Variants in VIPAS39 observed in about 807,000 individuals in gnomAD.
The protein encoded by VIPAS39 is spermatogenesis-defective protein 39 homolog.
VIPAS39 carries 63 observed loss-of-function variants against 84.7 expected under a neutral mutation model. The observed-to-expected ratio is 0.74, with a 90% CI of 0.61 to 0.92. The LOEUF (loss-of-function observed/expected upper bound fraction) is 0.92. Among genes scored for constraint, VIPAS39 ranks in the 40% least tolerant of loss-of-function variants. The probability of loss-of-function intolerance (pLI) is 0.00; values close to 1 mark genes in which losing one functional copy is unlikely to be tolerated. For synonymous variants in VIPAS39, 192 were observed against 216.5 expected, an observed-to-expected ratio of 0.89 and a Z score of 0.99; for missense variants, 499 against 604.5, an observed-to-expected ratio of 0.83 and a Z score of 1.83.
intron 8 of VIPAS39, among the ~76,000 whole-genome samples, chr14:77,443,690 T>A (rs922286210): frequency 6.6e-6 from 1 of 150,434 alleles, no homozygotes; most frequent in African/African-American, 2.4e-5. Context: ...AGGTCAGGAG[T>A]TTGAGACCAG....
intron 4 of VIPAS39, among the ~76,000 whole-genome samples, chr14:77,450,670 C>T (rs377379806): frequency 2.0e-5 from 3 of 152,196 alleles, no homozygotes; most frequent in East Asian, 1.9e-4. Context: ...CCACCATGCC[C>T]GGCTAATTTT....
At chr14:77,442,701 G>GA in intron 9 of VIPAS39, 39 bp from the exon 10 acceptor site, 1 of 1,580,270 alleles carries the variant, frequency 6.3e-7, no homozygotes, top group Non-Finnish European at 8.7e-7. Flanking sequence ...AAAGATTAAA[G>GA]CCAATTAGTC....
chr14:77,440,524 A>G (rs888629775), intron 11 of VIPAS39: 5 of 157,828 alleles, frequency 3.2e-5, no homozygotes, highest in African/African-American at 1.2e-4. Context: ...ACAAATTACA[A>G]ATTGACCAGG....
chr14:77,450,724 G>C (rs563461604), intron 4 of VIPAS39, among the ~76,000 whole-genome samples: 12 of 152,298 alleles, frequency 7.9e-5, no homozygotes, highest in Middle Eastern at 3.4e-3. Context: ...TGGTAGGCTG[G>C]TCTAGAACTC....
chr14:77,433,987 T>G (rs2078565601), intron 15 of VIPAS39, 56 bp from the exon 16 acceptor site: 1 of 1,549,544 alleles, frequency 6.5e-7, no homozygotes, highest in South Asian at 1.1e-5. Flanking sequence ...TCAATGGGGG[T>G]GCTTAAGAAT....
chr14:77,455,688 C>G (rs2078949718), intron 1 of VIPAS39, among the ~76,000 whole-genome samples: 1 of 152,136 alleles, frequency 6.6e-6, no homozygotes. Flanking sequence ...TGAGAAAAGC[C>G]TTGTCATGGT....
At position 77,435,376 on chromosome 14, in the gene VIPAS39, T is replaced by C; in HGVS notation, c.930A>G (p.Leu310=). ...QIIIEANDRH[L]ESAGQTEIFR... is the part of the protein sequence containing the mutation. The stretch of plus-strand genomic sequence containing the variant: ...AGATCTCAGTCTGTCCTGCTGATTC[T>C]AGATGGCGATCATTTGCCTGTGGTG... The change falls in exon 14 of 20, where the codon CTA becomes CTG. Residue 310 remains leucine (L), a synonymous_variant. Coordinates refer to ENST00000557658, the MANE Select transcript of VIPAS39 (RefSeq NM_001193315.2). The C allele has an allele frequency of 6.2e-7, 1 of 1,607,792 alleles. No individual in the cohort carries two copies. The highest frequency in any genetic ancestry group is 8.5e-7 in the Non-Finnish European group (1 of 1,179,234).
chr14:77,440,509 G>A (rs1460662453), intron 11 of VIPAS39: 4 of 158,928 alleles, frequency 2.5e-5, no homozygotes, highest in East Asian at 1.8e-4. Flanking sequence ...GAAAACAACC[G>A]AAAAACAAAT....
At chr14:77,454,224 T>A (rs1022154896) in intron 1 of VIPAS39, 122 bp from the exon 2 acceptor site, 1 of 857,574 alleles carries the variant, frequency 1.2e-6, no homozygotes. Flanking sequence ...AAGAATCTGG[T>A]AAAACAAATA....
rs2078442033 is a variant in VIPAS39, at chr14:77,427,043, G to A, written c.*573C>T. ...CTTAGGGTTTTGGACAGAGTAAACT[G>A]GGGCAGCAGAGGGAAAATGGCTGAG... is the stretch of plus-strand genomic sequence containing the variant. On this transcript the variant is annotated 3_prime_UTR_variant, in exon 20 of 20. Transcript: ENST00000557658. The A allele has an allele frequency of 6.4e-6, 1 of 156,222 alleles. No individual in the cohort carries two copies. The highest frequency in any genetic ancestry group is 1.4e-5 in the Non-Finnish European group (1 of 70,430). 9.7% of individuals were successfully genotyped at this position (156,222 alleles called of 1,614,324 possible).
chr14:77,436,367 T>C (rs1213598448), intron 12 of VIPAS39, among the ~76,000 whole-genome samples: 2 of 152,220 alleles, frequency 1.3e-5, no homozygotes, highest in Non-Finnish European at 2.9e-5. Flanking sequence ...TTAAATTACA[T>C]GCCATGGTGG....
rs906538955 is a variant in VIPAS39 at position 77,443,883 on chromosome 14, A to C, written c.597+366T>G. Among the ~76,000 whole-genome samples the C allele has an allele frequency of 1.2e-4, 18 of 151,846 alleles. 1 individual carries two copies. The highest frequency in any genetic ancestry group is 3.3e-4 in the Admixed American group (5 of 15,242). On this transcript the variant is annotated intron_variant, in intron 8 of 19. Coordinates refer to ENST00000557658, the MANE Select transcript of VIPAS39 (RefSeq NM_001193315.2). The stretch of plus-strand genomic sequence containing the variant: ...GTGAGACTCCATCTCAAAAAAAAAA[A>C]AAAAAAAACTAGCCAGGAATGGTGG...
At chr14:77,449,170 C>T in intron 6 of VIPAS39, 123 bp downstream of exon 6, 1 of 1,138,316 alleles carries the variant, frequency 8.8e-7, no homozygotes, top group Admixed American at 1.9e-5. Flanking sequence ...ACCCAGTTTT[C>T]TAATCTATAA....
chr14:77,427,615 C>T lies in VIPAS39; in HGVS notation c.*1G>A. 1 of 1,614,190 alleles carries T rather than the reference C, an allele frequency of 6.2e-7. No individual in the cohort carries two copies. Among genetic ancestry groups the T allele is most frequent in the Non-Finnish European group, 8.5e-7 (1 of 1,180,040 alleles). Reference sequence around the variant, plus strand: ...GCAGGCTTCAAGGTAGTCAATGCCACTTAATTCTTCCATCGAATTTGCTGT... The same window carrying T: ...GCAGGCTTCAAGGTAGTCAATGCCATTTAATTCTTCCATCGAATTTGCTGT... On this transcript the variant is annotated 3_prime_UTR_variant, in exon 20 of 20. Transcript: ENST00000557658.
At chr14:77,431,031 A>G (rs1437585789) in intron 16 of VIPAS39, among the ~76,000 whole-genome samples, 1 of 152,174 alleles carries the variant, frequency 6.6e-6, no homozygotes, top group Non-Finnish European at 1.5e-5. Context: ...ATACACAAAA[A>G]TCAACTCAAA....
intron 10 of VIPAS39, among the ~76,000 whole-genome samples, chr14:77,442,043 C>A (rs946937266): frequency 2.0e-5 from 3 of 152,158 alleles, no homozygotes; most frequent in Admixed American, 1.3e-4. Context: ...CCCTGGGTAT[C>A]CTGACTGAAA....
chr14:77,450,925 A>AG (rs1438540370), intron 4 of VIPAS39, among the ~76,000 whole-genome samples: 4 of 152,332 alleles, frequency 2.6e-5, no homozygotes, highest in African/African-American at 9.6e-5. Flanking sequence ...CACAAGGAGT[A>AG]GGGAGGAATT....
chr14:77,443,026 C>T, intron 9 of VIPAS39, 93 bp downstream of exon 9: 13 of 1,538,222 alleles, frequency 8.5e-6, no homozygotes. Context: ...ATAGACTTGA[C>T]TAATGAATTC....
chr14:77,443,203 G>A lies in VIPAS39; in HGVS notation c.598-51C>T, dbSNP rs373929814. 266 of 1,610,444 alleles carry A rather than the reference G, an allele frequency of 1.7e-4. 1 individual carries two copies. In the African/African-American group the frequency reaches 3.4e-3, roughly 20 times the overall value. ...TGCAAACTTTCCAACACAGAGTCAT[G>A]CCCTGAGCACTACAGACACGGGGCC... is the stretch of plus-strand genomic sequence containing the variant. On this transcript the variant is annotated intron_variant, in intron 8 of 19. Transcript: ENST00000557658.
Sources: allele counts gnomAD v4.1 joint callset (sites outside exome capture counted in the v4.1 genomes callset), GRCh38; gene constraint gnomAD v4.1.1; transcripts MANE v1.5; gene names NCBI Gene and HGNC (gene_info 2026-07-23, HGNC 2026-07-21).